CLIC6: variants seen among roughly 807,000 people sequenced by gnomAD.
CLIC6 encodes the protein CLIC family member 6.
A neutral mutation model predicts 49.2 loss-of-function variants in CLIC6; 39 were observed. The observed-to-expected ratio is 0.79, with a 90% CI of 0.61 to 1.04. The LOEUF (loss-of-function observed/expected upper bound fraction) is 1.04. Among genes scored for constraint, CLIC6 ranks in the 50% least tolerant of loss-of-function variants. The probability of loss-of-function intolerance (pLI) is 0.00; values close to 1 mark genes in which losing one functional copy is unlikely to be tolerated. For synonymous variants in CLIC6, 446 were observed against 433.4 expected, an observed-to-expected ratio of 1.03 and a Z score of -0.36; for missense variants, 988 against 993.1, an observed-to-expected ratio of 0.99 and a Z score of 0.07.
intron 1 of CLIC6, among the ~76,000 whole-genome samples, chr21:34,681,747 C>G (rs899007371): frequency 1.5e-4 from 23 of 152,144 alleles, no homozygotes; most frequent in Middle Eastern, 3.2e-3. Context: ...ATGACTTTGT[C>G]TCAGAAGTTA....
At chr21:34,707,236 A>G (rs375561584) in intron 1 of CLIC6, 44 bp from the exon 2 acceptor site, 4 of 1,435,678 alleles carry the variant, frequency 2.8e-6, no homozygotes, top group Non-Finnish European at 3.9e-6. Context: ...GGCACTTATA[A>G]TTGTGAGACT....
intron 1 of CLIC6, among the ~76,000 whole-genome samples, chr21:34,684,082 G>A (rs960780897): frequency 1.4e-4 from 21 of 149,516 alleles, no homozygotes; most frequent in Non-Finnish European, 2.2e-4. Flanking sequence ...AGAAGTAAAC[G>A]CTGCTTTTTT....
intron 1 of CLIC6, among the ~76,000 whole-genome samples, chr21:34,675,100 A>G (rs1381206557): frequency 6.6e-6 from 1 of 152,160 alleles, no homozygotes; most frequent in Non-Finnish European, 1.5e-5. Flanking sequence ...ACTTGTAAAC[A>G]TGCAGTTATT....
chr21:34,707,427 C>G (rs374620915), intron 2 of CLIC6, 38 bp downstream of exon 2: 3 of 925,612 alleles, frequency 3.2e-6, no homozygotes, highest in Non-Finnish European at 4.9e-6. Flanking sequence ...ATAACTGTAC[C>G]TAGTTCTCTG....
intron 1 of CLIC6, among the ~76,000 whole-genome samples, chr21:34,688,076 A>T (rs1289150522): frequency 1.3e-5 from 2 of 152,196 alleles, no homozygotes; most frequent in Non-Finnish European, 2.9e-5. Flanking sequence ...ACAAAAAAAA[A>T]TTTCTTTTCT....
rs772665413 is a variant in CLIC6 at position 34,670,741 on chromosome 21, C to A, written c.1353C>A (p.His451Gln). The A allele has an allele frequency of 9.4e-6, 15 of 1,600,036 alleles. No individual in the cohort carries two copies. Among genetic ancestry groups the A allele is most frequent in the Middle Eastern group, 3.3e-4 (2 of 6,066 alleles). ...AGCCCCGGGCCCTGGGGCAGGAGCA[C>A]GACATCACCCTCTTCGTCAAGGTAA... is the stretch of plus-strand genomic sequence containing the variant. ...ASEPRALGQE[H>Q]DITLFVKAGY... The change falls in exon 1 of 6, where the codon CAC becomes CAA. Residue 451 changes from histidine (H) to glutamine (Q), a missense_variant. His to Gln is a conservative substitution (Grantham distance 24, BLOSUM62 0). Coordinates refer to ENST00000349499, the MANE Select transcript of CLIC6 (RefSeq NM_053277.3).
chr21:34,679,242 G>A (rs546525191), intron 1 of CLIC6, among the ~76,000 whole-genome samples: 98 of 152,308 alleles, frequency 6.4e-4, no homozygotes, highest in Middle Eastern at 6.8e-3. Context: ...TCTTTGCATG[G>A]CAACAGGAAG....
At position 34,669,364 on chromosome 21, in the gene CLIC6, C is replaced by G; in HGVS notation, c.-25C>G. On this transcript the variant is annotated 5_prime_UTR_variant, in exon 1 of 6. Transcript: ENST00000349499. ...TTAAGCAGCGTCAAGGAAGGAGTCC[C>G]GATCAAGGACAGGGATCTGCGGCCA... 2 of 1,235,886 alleles carry G rather than the reference C, an allele frequency of 1.6e-6. No homozygotes were observed. Among genetic ancestry groups the G allele is most frequent in the Non-Finnish European group, 2.0e-6 (2 of 989,722 alleles). The allele number at this position is 1,235,886 out of a possible 1,614,324, so 76.6% of individuals were successfully genotyped here.
At chr21:34,682,617 G>T (rs16992145) in intron 1 of CLIC6, among the ~76,000 whole-genome samples, 2,395 of 152,064 alleles carry the variant, frequency 0.016, 69 homozygotes, top group African/African-American at 0.055. Context: ...ACTTGAAAAT[G>T]TATCCTTTTA....
chr21:34,686,805 C>A (rs1404060235), intron 1 of CLIC6, among the ~76,000 whole-genome samples: 1 of 151,936 alleles, frequency 6.6e-6, no homozygotes, highest in Non-Finnish European at 1.5e-5. Flanking sequence ...ATCCGCAAGA[C>A]ACTGGGCACA....
intron 1 of CLIC6, among the ~76,000 whole-genome samples, chr21:34,672,334 G>A (rs1989582021): frequency 6.6e-6 from 1 of 152,178 alleles, no homozygotes; most frequent in Admixed American, 6.5e-5. Flanking sequence ...ATTGCTGGGT[G>A]TCCCCACCCT....
chr21:34,675,681 G>A (rs9941836), intron 1 of CLIC6, among the ~76,000 whole-genome samples: 10,170 of 152,148 alleles, frequency 0.067, 1,134 homozygotes, highest in African/African-American at 0.23. Context: ...TGCATGCTGG[G>A]GGTGGGGATA....
At chr21:34,700,395 C>G (rs368347635) in intron 1 of CLIC6, among the ~76,000 whole-genome samples, 1 of 128,092 alleles carries the variant, frequency 7.8e-6, no homozygotes, top group Non-Finnish European at 1.6e-5. Flanking sequence ...TGCAGTGAGC[C>G]GAGATCGCGC....
intron 1 of CLIC6, among the ~76,000 whole-genome samples, chr21:34,672,696 G>T (rs1360893299): frequency 6.6e-6 from 1 of 152,228 alleles, no homozygotes; most frequent in Non-Finnish European, 1.5e-5. Flanking sequence ...GGATAGTGTG[G>T]TGATCAAGAA....
At chr21:34,672,509 A>G (rs1989584917) in intron 1 of CLIC6, among the ~76,000 whole-genome samples, 2 of 152,172 alleles carry the variant, frequency 1.3e-5, no homozygotes, top group Admixed American at 1.3e-4. Flanking sequence ...TATCTGCCAC[A>G]AGTCCAAGAG....
chr21:34,673,863 CT>C (rs1243418144), intron 1 of CLIC6, among the ~76,000 whole-genome samples: 1 of 152,068 alleles, frequency 6.6e-6, no homozygotes, highest in Admixed American at 6.6e-5. Context: ...TTCTAGGCTC[CT>C]TTTTTGGGCT....
rs190024794 is a variant in CLIC6 at position 34,680,644 on chromosome 21, C to T, written c.1374+9882C>T. 4.3e-3 allele frequency among the ~76,000 whole-genome samples: 657 copies of T among 152,332 alleles called. 7 individuals carry two copies. The highest frequency in any genetic ancestry group is 0.015 in the African/African-American group (613 of 41,562). On this transcript the variant is annotated intron_variant, in intron 1 of 5. Transcript: ENST00000349499. ...TCTTCCACCAGATACCCTAAATTATCTCTCTCACATTCAAAGTTCCACAGA... is the reference window on the plus strand; with the variant it reads ...TCTTCCACCAGATACCCTAAATTATTTCTCTCACATTCAAAGTTCCACAGA...
intron 1 of CLIC6, among the ~76,000 whole-genome samples, chr21:34,703,275 A>C (rs574441115): frequency 7.9e-5 from 12 of 152,210 alleles, no homozygotes; most frequent in Non-Finnish European, 2.9e-5. Context: ...GAGTAGAGAA[A>C]AGTGCTTACT....
chr21:34,675,524 A>AT (rs35843435), intron 1 of CLIC6, among the ~76,000 whole-genome samples: 28,715 of 152,106 alleles, frequency 0.19, 2,881 homozygotes, highest in South Asian at 0.23. Context: ...CTAAAAACAA[A>AT]TTTTTTGTAA....
Sources: gnomAD v4.1 joint callset for allele counts (sites outside exome capture counted in the v4.1 genomes callset) on GRCh38, gnomAD v4.1.1 for gene constraint, MANE v1.5 for transcripts, NCBI Gene and HGNC (gene_info 2026-07-23, HGNC 2026-07-21) for gene names.